Variants in TCF3 observed in about 807,000 individuals in gnomAD.
The protein encoded by TCF3 is transcription factor 3, also known as transcription factor E2-alpha.
Under a neutral mutation model 72.3 loss-of-function variants are expected in TCF3, and 54 were observed. The observed-to-expected ratio is 0.75, with a 90% CI of 0.60 to 0.94. TCF3 has a LOEUF of 0.94. Ranked by LOEUF, TCF3 falls within the 40% of genes least tolerant of loss-of-function variation. TCF3 has a pLI of 0.00. For synonymous variants in TCF3, 525 were observed against 412.6 expected, an observed-to-expected ratio of 1.27 and a Z score of -3.30; for missense variants, 1,078 against 934.4, an observed-to-expected ratio of 1.15 and a Z score of -2.00.
At chr19:1,631,880 C>G in intron 5 of TCF3, 158 bp downstream of exon 5, 1 of 1,517,152 alleles carries the variant, frequency 6.6e-7, no homozygotes, top group Non-Finnish European at 8.8e-7. Context: ...CCTGCACCTC[C>G]CCGCAGCTGC....
chr19:1,632,121 G>T lies in TCF3; in HGVS notation c.220-5C>A, dbSNP rs1456778481. 1.2e-6 allele frequency: 2 copies of T among 1,612,386 alleles called. No homozygotes were observed. Among genetic ancestry groups the T allele is most frequent in the Non-Finnish European group, 1.7e-6 (2 of 1,179,336 alleles). On this transcript the variant is annotated splice_polypyrimidine_tract_variant and splice_region_variant and intron_variant, in intron 4 of 18. Coordinates refer to ENST00000262965, the MANE Select transcript of TCF3 (RefSeq NM_003200.5). ...GTGGGTGCCCTCGCTGAAGGTCTAG[G>T]GGAGATGGGGTGGGGATGAGAGGTG...
At chr19:1,634,109 C>T (rs768270586) in intron 3 of TCF3, among the ~76,000 whole-genome samples, 9 of 152,234 alleles carry the variant, frequency 5.9e-5, no homozygotes, top group Admixed American at 1.3e-4. Flanking sequence ...AGAGGCACTG[C>T]GGCCTCAATC....
intron 3 of TCF3, among the ~76,000 whole-genome samples, chr19:1,637,826 G>A (rs754939444): frequency 5.3e-5 from 8 of 151,910 alleles, no homozygotes; most frequent in East Asian, 3.9e-4. Flanking sequence ...GGAGAATGGC[G>A]CGAACCCGGG....
rs756936553 is a variant in TCF3 at position 1,615,810 on chromosome 19, C to T, written c.1462G>A (p.Ala488Thr). Reference protein sequence around the residue: ...PPDSYSGLGRAGATAAASEIK... With the variant: ...PPDSYSGLGRTGATAAASEIK... ...TCGCTGGCGGCCGCCGTGGCACCTG[C>T]TCGCCCTAGCCCTGCAACAGGCCTA... is the stretch of plus-strand genomic sequence containing the variant. Residue 488 changes from alanine to threonine, a missense_variant, in exon 17 of 19, where the codon GCA becomes ACA. By Grantham distance (58) the Ala-to-Thr change is moderately conservative. Coordinates refer to ENST00000262965, the MANE Select transcript of TCF3 (RefSeq NM_003200.5). The surrounding 1 kb of genome is among the most constrained non-coding windows in gnomAD (Gnocchi z 7.3). The T allele has an allele frequency of 1.9e-6, 3 of 1,566,658 alleles. No homozygotes were observed. The highest frequency in any genetic ancestry group is 1.3e-5 in the African/African-American group (1 of 74,294).
Position 1,647,696 on chromosome 19 carries a change from G to A in TCF3, c.73-1269C>T, listed in dbSNP as rs59778223. On this transcript the variant is annotated intron_variant, in intron 2 of 18. Coordinates refer to ENST00000262965, the MANE Select transcript of TCF3 (RefSeq NM_003200.5). ...ATTTGGGAAACAAAGGCCTGCTGTG[G>A]GGGACAGCCAACTGCATTTCTATCT... 7.0e-3 allele frequency among the ~76,000 whole-genome samples: 1,063 copies of A among 152,326 alleles called. 17 individuals carry two copies. Among genetic ancestry groups the A allele is most frequent in the African/African-American group, 0.024 (1,000 of 41,568 alleles).
intron 18 of TCF3, chr19:1,612,237 C>T: frequency 6.2e-7 from 1 of 1,600,450 alleles, no homozygotes; most frequent in Non-Finnish European, 8.5e-7. Flanking sequence ...CCCAGGATGA[C>T]CTGCACGGCC....
At chr19:1,650,134 GA>G (rs2066783985) in intron 2 of TCF3, 42 bp downstream of exon 2, 2 of 1,520,404 alleles carry the variant, frequency 1.3e-6, no homozygotes, top group African/African-American at 2.8e-5. Flanking sequence ...GTGAACTGTG[GA>G]GGCAAAGGGG....
chr19:1,622,754 A>G (rs2062403079), intron 8 of TCF3, among the ~76,000 whole-genome samples: 1 of 152,092 alleles, frequency 6.6e-6, no homozygotes, highest in South Asian at 2.1e-4. Flanking sequence ...CCCCAGCTCC[A>G]ACACCCCATC....
Position 1,619,744 on chromosome 19 carries a change from C to T in TCF3, c.1167+36G>A, listed in dbSNP as rs577647619. On this transcript the variant is annotated intron_variant, in intron 14 of 18. Transcript: ENST00000262965. ...GGAGCGTCTGTCCTGCAAATTCTGTCGGGGAAGGGTGGGGTGGGGCGGGGC... is the reference window on the plus strand; with the variant it reads ...GGAGCGTCTGTCCTGCAAATTCTGTTGGGGAAGGGTGGGGTGGGGCGGGGC... 1.2e-3 allele frequency: 475 copies of T among 390,424 alleles called. 6 individuals are homozygous for T. The South Asian group carries it at 0.013, about 11-fold the overall frequency. 24.2% of individuals were successfully genotyped at this position (390,424 alleles called of 1,614,324 possible).
chr19:1,642,241 GACGCACACACACGTGCGCACAC>G (rs1284677580), intron 3 of TCF3, among the ~76,000 whole-genome samples: 2 of 141,810 alleles, frequency 1.4e-5, no homozygotes, highest in Admixed American at 7.0e-5. Context: ...CGCACGCGCA[GACGCACACACACGTGCGCACAC>G]ACGCACGCAC....
Position 1,615,808 on chromosome 19 carries a change from T to G in TCF3, c.1464A>C (p.Ala488=). ...PPDSYSGLGR[A]GATAAASEIK... The stretch of plus-strand genomic sequence containing the variant: ...TCTCGCTGGCGGCCGCCGTGGCACC[T>G]GCTCGCCCTAGCCCTGCAACAGGCC... The change falls in exon 17 of 19, where the codon GCA becomes GCC. Residue 488 remains alanine, a synonymous_variant. Transcript: ENST00000262965. This position sits in a 1 kb window ranked among gnomAD's most constrained non-coding sequence, Gnocchi z 7.3. 6.4e-7 allele frequency: 1 copy of G among 1,568,006 alleles called. No homozygotes were observed. The highest frequency in any genetic ancestry group is 8.7e-7 in the Non-Finnish European group (1 of 1,153,560).
At chr19:1,624,126 G>T (rs541053580) in intron 7 of TCF3, 126 bp from the exon 8 acceptor site, 6 of 872,340 alleles carry the variant, frequency 6.9e-6, no homozygotes, top group Non-Finnish European at 1.1e-5. Flanking sequence ...GGCTGGGTGC[G>T]GTGCCTCATG....
Position 1,609,953 on chromosome 19 carries a change from G to GCATGAAGGGCA in TCF3, c.*1743_*1753dup. The GCATGAAGGGCA allele has an allele frequency of 4.3e-6, 1 of 232,714 alleles. No homozygotes were observed. Among genetic ancestry groups the GCATGAAGGGCA allele is most frequent in the Admixed American group, 5.6e-5 (1 of 17,768 alleles). 14.4% of individuals were successfully genotyped at this position (232,714 alleles called of 1,614,324 possible). A position where few individuals can be genotyped will look rare whatever the true frequency, so the allele number is the denominator to read the frequency against. On this transcript the variant is annotated 3_prime_UTR_variant, in exon 19 of 19. Transcript: ENST00000262965. ...CCACAAGGCCTCAATGCAGGGAGGG[G>GCATGAAGGGCA]CATGAAGGGCACATGAAGGCCCCCA...
chr19:1,615,618 C>G lies in TCF3; in HGVS notation c.1586+68G>C. ...GGCCTCCCAGTGTGGGTGCGGTGTG[C>G]GTGTGGCCTGTGCACATGTGCGTCC... On this transcript the variant is annotated intron_variant, in intron 17 of 18. Transcript: ENST00000262965. The surrounding 1 kb of genome is among the most constrained non-coding windows in gnomAD (Gnocchi z 7.3). The G allele has an allele frequency of 6.6e-7, 1 of 1,515,354 alleles. No individual in the cohort carries two copies. Among genetic ancestry groups the G allele is most frequent in the Non-Finnish European group, 8.9e-7 (1 of 1,123,890 alleles). The allele number at this position is 1,515,354 out of a possible 1,614,324, so 93.9% of individuals were successfully genotyped here.
chr19:1,642,781 G>A (rs554503356), intron 3 of TCF3, among the ~76,000 whole-genome samples: 3 of 152,138 alleles, frequency 2.0e-5, no homozygotes, highest in African/African-American at 7.2e-5. Flanking sequence ...CACAAGGGAC[G>A]CTTTCAATGT....
At chr19:1,612,473 A>C in intron 18 of TCF3, 11 of 751,860 alleles carry the variant, frequency 1.5e-5, no homozygotes, top group Non-Finnish European at 2.2e-5. Flanking sequence ...TGATGCGCCA[A>C]GGCTGGGTGG....
rs577170922 is a variant in TCF3 at position 1,627,017 on chromosome 19, G to T, written c.366+342C>A. ...AGGGCCAGCGTGGGTGAGGATCTCG[G>T]CTGCACAGGGGCCTGTTGTATGGGC... On this transcript the variant is annotated intron_variant, in intron 6 of 18. Coordinates refer to ENST00000262965, the MANE Select transcript of TCF3 (RefSeq NM_003200.5). Among the ~76,000 whole-genome samples, 3 of 152,294 alleles carry T rather than the reference G, an allele frequency of 2.0e-5. No individual in the cohort carries two copies. The South Asian group carries it at 6.2e-4, about 32-fold the overall frequency.
Position 1,624,415 on chromosome 19 carries a change from G to A in TCF3, c.500-415C>T, listed in dbSNP as rs182582653. Among the ~76,000 whole-genome samples the A allele has an allele frequency of 4.0e-3, 609 of 152,296 alleles. 1 individual carries two copies. Among genetic ancestry groups the A allele is most frequent in the Non-Finnish European group, 6.0e-3 (409 of 68,026 alleles). ...GTCTCAAAACACAACAGCAGCAGCA[G>A]CAACAACAACAAAAAGCCCCGGGTC... On this transcript the variant is annotated intron_variant, in intron 7 of 18. Transcript: ENST00000262965.
At position 1,610,270 on chromosome 19, in the gene TCF3, G is replaced by C. The variant is rs2060890804; in HGVS notation, c.*1437C>G. On this transcript the variant is annotated 3_prime_UTR_variant, in exon 19 of 19. Coordinates refer to ENST00000262965, the MANE Select transcript of TCF3 (RefSeq NM_003200.5). ...GGGCTCAGACCAGCACAGTCCCCCGGCTCCAGCCACTCTTGCCCTTGGACC... is the reference window on the plus strand; with the variant it reads ...GGGCTCAGACCAGCACAGTCCCCCGCCTCCAGCCACTCTTGCCCTTGGACC... 1 of 232,084 alleles carries C rather than the reference G, an allele frequency of 4.3e-6. No homozygotes were observed. Among genetic ancestry groups the C allele is most frequent in the African/African-American group, 2.2e-5 (1 of 45,226 alleles). 14.4% of individuals were successfully genotyped at this position (232,084 alleles called of 1,614,324 possible). A position where few individuals can be genotyped will look rare whatever the true frequency, so the allele number is the denominator to read the frequency against.
Sources: allele counts gnomAD v4.1 joint callset (sites outside exome capture counted in the v4.1 genomes callset), GRCh38; gene constraint gnomAD v4.1.1; non-coding constraint Gnocchi (gnomAD v3.1); transcripts MANE v1.5; gene names NCBI Gene and HGNC (gene_info 2026-07-23, HGNC 2026-07-21).